UCK2: variants seen among roughly 807,000 people sequenced by gnomAD.
The protein encoded by UCK2 is cytidine monophosphokinase 2.
A neutral mutation model predicts 30.8 loss-of-function variants in UCK2; 6 were observed. The ratio of observed to expected loss-of-function variants is 0.19; its 90% CI spans 0.11 to 0.38. UCK2 has a LOEUF of 0.38. Ranked by LOEUF, UCK2 falls within the 10% of genes least tolerant of loss-of-function variation. The pLI is 1.00. For synonymous variants in UCK2, 125 were observed against 133.6 expected (o/e 0.94, Z 0.45); for missense variants, 210 against 339.8 (o/e 0.62, Z 3.00).
chr1:165,879,545 T>TTATTATTATTATTA (rs1655426276), intron 1 of UCK2, among the ~76,000 whole-genome samples: 12 of 146,836 alleles, frequency 8.2e-5, no homozygotes, highest in African/African-American at 2.7e-4. Flanking sequence ...ATGTTTGCTT[T>TTATTATTATTATTA]TTATTATTAT....
In UCK2 at chr1:165,909,470, T is replaced by C. The variant is rs1482857634; in HGVS notation, c.*1647T>C. The C allele has an allele frequency of 1.3e-5, 2 of 152,166 alleles. No homozygotes were observed. Among genetic ancestry groups the C allele is most frequent in the Non-Finnish European group, 2.9e-5 (2 of 68,032 alleles). 9.4% of individuals were successfully genotyped at this position (152,166 alleles called of 1,614,324 possible). A position where few individuals can be genotyped will look rare whatever the true frequency, so the allele number is the denominator to read the frequency against. ...ATTATTACCTGGTCACACCAGATTT[T>C]CCCCCAGACTCAGCACCATCCAGTC... On this transcript the variant is annotated 3_prime_UTR_variant, in exon 7 of 7. Transcript: ENST00000367879.
intron 1 of UCK2, among the ~76,000 whole-genome samples, chr1:165,832,024 C>G (rs1237704403): frequency 6.6e-6 from 1 of 152,192 alleles, no homozygotes; most frequent in Non-Finnish European, 1.5e-5. Context: ...CTGCCTTGGC[C>G]TCCCGAAGCG....
intron 1 of UCK2, among the ~76,000 whole-genome samples, chr1:165,872,506 T>C (rs1436483292): frequency 6.6e-6 from 1 of 152,226 alleles, no homozygotes; most frequent in African/African-American, 2.4e-5. Flanking sequence ...TGGTGGGGGC[T>C]AGCTGGGCAT....
At chr1:165,856,602 T>C (rs913330570) in intron 1 of UCK2, among the ~76,000 whole-genome samples, 3 of 152,166 alleles carry the variant, frequency 2.0e-5, no homozygotes, top group Non-Finnish European at 2.9e-5. Flanking sequence ...CGGAGGGTTA[T>C]TTATTAGGAA....
At chr1:165,863,779 A>G (rs923497929) in intron 1 of UCK2, among the ~76,000 whole-genome samples, 2 of 152,240 alleles carry the variant, frequency 1.3e-5, no homozygotes, top group Admixed American at 6.5e-5. Flanking sequence ...TAGTAGACTC[A>G]TGGAGGTCAT....
At chr1:165,881,320 A>G (rs966535906) in intron 1 of UCK2, among the ~76,000 whole-genome samples, 1 of 150,970 alleles carries the variant, frequency 6.6e-6, no homozygotes, top group Non-Finnish European at 1.5e-5. Flanking sequence ...TTTGTACTAT[A>G]TTCTCCCCTG....
chr1:165,907,902 G>A lies in UCK2; in HGVS notation c.*79G>A, dbSNP rs934967506. ...GAGGCACTGCTCATCTGTACATACT[G>A]TTTCCTATGACATTACTGTATTTAA... On this transcript the variant is annotated 3_prime_UTR_variant, in exon 7 of 7. Coordinates refer to ENST00000367879, the MANE Select transcript of UCK2 (RefSeq NM_012474.5). The A allele has an allele frequency of 9.9e-6, 15 of 1,518,086 alleles. No homozygotes were observed. The highest frequency in any genetic ancestry group is 1.3e-5 in the South Asian group (1 of 77,322). The allele number at this position is 1,518,086 out of a possible 1,614,324, so 94.0% of individuals were successfully genotyped here. A position where few individuals can be genotyped will look rare whatever the true frequency, so the allele number is the denominator to read the frequency against.
intron 1 of UCK2, among the ~76,000 whole-genome samples, chr1:165,867,381 T>C (rs1295771963): frequency 6.6e-6 from 1 of 152,220 alleles, no homozygotes; most frequent in African/African-American, 2.4e-5. Context: ...TGTGATGCTG[T>C]TTGATGGCAT....
At chr1:165,902,240 AAAAC>A (rs920973032) in intron 4 of UCK2, among the ~76,000 whole-genome samples, 2 of 151,994 alleles carry the variant, frequency 1.3e-5, no homozygotes, top group Non-Finnish European at 2.9e-5. Flanking sequence ...CTCTGTCTCA[AAAAC>A]AAACAAACAA....
chr1:165,908,004 T>A lies in UCK2; in HGVS notation c.*181T>A. On this transcript the variant is annotated 3_prime_UTR_variant, in exon 7 of 7. Coordinates refer to ENST00000367879, the MANE Select transcript of UCK2 (RefSeq NM_012474.5). ...TTGGAACGACAAAATGAAACAGAACTTGACCCTGAGCTTAAATAACAAAAC... is the reference window on the plus strand; with the variant it reads ...TTGGAACGACAAAATGAAACAGAACATGACCCTGAGCTTAAATAACAAAAC... 1.1e-6 allele frequency: 1 copy of A among 877,426 alleles called. No individual in the cohort carries two copies. The highest frequency in any genetic ancestry group is 1.6e-6 in the Non-Finnish European group (1 of 610,106). The allele number at this position is 877,426 out of a possible 1,614,324, so 54.4% of individuals were successfully genotyped here. A position where few individuals can be genotyped will look rare whatever the true frequency, so the allele number is the denominator to read the frequency against.
intron 1 of UCK2, among the ~76,000 whole-genome samples, chr1:165,837,173 C>T (rs564507831): frequency 6.1e-4 from 93 of 152,312 alleles, no homozygotes; most frequent in African/African-American, 1.9e-3. Context: ...GTTTTCAACA[C>T]GTGAACTTTG....
intron 1 of UCK2, among the ~76,000 whole-genome samples, chr1:165,828,573 T>G (rs1653958142): frequency 6.6e-6 from 1 of 152,186 alleles, no homozygotes; most frequent in South Asian, 2.1e-4. Flanking sequence ...GCTTCTGTTT[T>G]TTAAGGTTAT....
At chr1:165,901,780 A>G (rs1248048299) in intron 4 of UCK2, among the ~76,000 whole-genome samples, 1 of 152,106 alleles carries the variant, frequency 6.6e-6, no homozygotes, top group Non-Finnish European at 1.5e-5. Flanking sequence ...ACAGCGGCAG[A>G]ATGAGGGTGA....
intron 1 of UCK2, among the ~76,000 whole-genome samples, chr1:165,872,083 T>C (rs1311024761): frequency 6.6e-6 from 1 of 152,154 alleles, no homozygotes; most frequent in Non-Finnish European, 1.5e-5. Context: ...TTTTTATTTT[T>C]ATTTCTTTGA....
intron 1 of UCK2, among the ~76,000 whole-genome samples, chr1:165,850,823 C>T (rs559946712): frequency 6.6e-6 from 1 of 151,354 alleles, no homozygotes; most frequent in African/African-American, 2.4e-5. Flanking sequence ...GGGGTTTCAC[C>T]GTGTTAGCCA....
At chr1:165,851,755 C>T (rs1217993898) in intron 1 of UCK2, among the ~76,000 whole-genome samples, 6 of 152,048 alleles carry the variant, frequency 3.9e-5, no homozygotes, top group Admixed American at 2.6e-4. Flanking sequence ...CTCATCCCTA[C>T]CCCCAGCAGG....
chr1:165,868,643 C>T (rs950295887), intron 1 of UCK2, among the ~76,000 whole-genome samples: 3 of 152,204 alleles, frequency 2.0e-5, no homozygotes, highest in East Asian at 1.9e-4. Flanking sequence ...CTTTCTCAGC[C>T]TTCATAGGAT....
chr1:165,828,626 T>C lies in UCK2; in HGVS notation c.99+694T>C, dbSNP rs1282590653. 2.6e-5 allele frequency among the ~76,000 whole-genome samples: 4 copies of C among 152,278 alleles called. No individual in the cohort carries two copies. In the South Asian group the frequency reaches 8.3e-4, roughly 32 times the overall value. On this transcript the variant is annotated intron_variant, in intron 1 of 6. Transcript: ENST00000367879. ...GCTTCAATGAGAAAGTTGTACTGGCTCCAAGCTCTTCGGTGTCCAGGACGT... is the reference window on the plus strand; with the variant it reads ...GCTTCAATGAGAAAGTTGTACTGGCCCCAAGCTCTTCGGTGTCCAGGACGT...
intron 1 of UCK2, among the ~76,000 whole-genome samples, chr1:165,844,077 A>G (rs986939762): frequency 4.6e-5 from 7 of 152,114 alleles, no homozygotes; most frequent in East Asian, 3.9e-4. Context: ...ATTATCCCCA[A>G]TTTCAACATG....
Sources: gnomAD v4.1 joint callset for allele counts (sites outside exome capture counted in the v4.1 genomes callset) on GRCh38, gnomAD v4.1.1 for gene constraint, MANE v1.5 for transcripts, NCBI Gene and HGNC (gene_info 2026-07-23, HGNC 2026-07-21) for gene names.